Variants in SKAP1 observed in about 807,000 individuals in gnomAD.
SKAP1 encodes the protein src kinase-associated phosphoprotein 1.
SKAP1 carries 44 observed loss-of-function variants against 58.5 expected under a neutral mutation model. That is an observed-to-expected ratio of 0.75 (90% confidence interval 0.59 to 0.97). SKAP1 has a LOEUF of 0.97. Among genes scored for constraint, SKAP1 ranks in the 50% least tolerant of loss-of-function variants. The probability of loss-of-function intolerance (pLI) is 0.00; values close to 1 mark genes in which losing one functional copy is unlikely to be tolerated. For missense variants in SKAP1, 390 were observed against 435.2 expected, an observed-to-expected ratio of 0.90 and a Z score of 0.92; for synonymous variants, 127 against 149.7, an observed-to-expected ratio of 0.85 and a Z score of 1.11.
At chr17:48,252,754 GTA>G (rs1555608489) in intron 4 of SKAP1, among the ~76,000 whole-genome samples, 2,324 of 120,818 alleles carry the variant, frequency 0.019, 48 homozygotes, top group African/African-American at 0.058. Flanking sequence ...GTGTGTGTGT[GTA>G]TGTGCTCATG....
At chr17:48,319,178 A>G (rs1019606944) in intron 4 of SKAP1, among the ~76,000 whole-genome samples, 3 of 152,114 alleles carry the variant, frequency 2.0e-5, no homozygotes, top group Non-Finnish European at 4.4e-5. Flanking sequence ...TACAGATTTA[A>G]AGGTACATTG....
In SKAP1 at chr17:48,346,614, G is replaced by A. The variant is rs186631209; in HGVS notation, c.179-608C>T. ...ACTCCGGCCTGGGTGACAACAGCGA[G>A]ACTCCATCTAAAAAAAAAAAGAATT... On this transcript the variant is annotated intron_variant, in intron 3 of 12. Transcript: ENST00000336915. Among the ~76,000 whole-genome samples the A allele has an allele frequency of 1.0e-3, 154 of 150,654 alleles. 1 individual carries two copies. Among genetic ancestry groups the A allele is most frequent in the Non-Finnish European group, 1.6e-3 (108 of 67,828 alleles).
intron 4 of SKAP1, among the ~76,000 whole-genome samples, chr17:48,328,552 C>A (rs2066466010): frequency 6.6e-6 from 1 of 151,982 alleles, no homozygotes; most frequent in East Asian, 1.9e-4. Flanking sequence ...CAACTTACTC[C>A]AAAGCCACCA....
intron 4 of SKAP1, among the ~76,000 whole-genome samples, chr17:48,253,514 G>A (rs2065390363): frequency 6.6e-6 from 1 of 152,182 alleles, no homozygotes; most frequent in Admixed American, 6.5e-5. Flanking sequence ...GCATTTCTTG[G>A]TGTGATTTTA....
At position 48,314,088 on chromosome 17, in the gene SKAP1, T is replaced by C. The variant is rs529677997; in HGVS notation, c.280+31817A>G. Among the ~76,000 whole-genome samples, 5 of 152,234 alleles carry C rather than the reference T, an allele frequency of 3.3e-5. No homozygotes were observed. The South Asian group carries it at 1.0e-3, about 32-fold the overall frequency. On this transcript the variant is annotated intron_variant, in intron 4 of 12. Coordinates refer to ENST00000336915, the MANE Select transcript of SKAP1 (RefSeq NM_003726.4). ...AAAAGGAATAAACTGAAATCACAGA[T>C]AGTTTTCATTATCTTGTCTTAGACT...
intron 4 of SKAP1, among the ~76,000 whole-genome samples, chr17:48,272,002 C>T (rs934384654): frequency 3.9e-5 from 6 of 152,102 alleles, no homozygotes; most frequent in Non-Finnish European, 5.9e-5. Context: ...AATGCTTGTG[C>T]ATCATAAATA....
At chr17:48,287,800 C>T (rs1301561162) in intron 4 of SKAP1, among the ~76,000 whole-genome samples, 1 of 152,164 alleles carries the variant, frequency 6.6e-6, no homozygotes, top group African/African-American at 2.4e-5. Flanking sequence ...TGCTTATCAA[C>T]ACATATATAC....
intron 4 of SKAP1, among the ~76,000 whole-genome samples, chr17:48,262,376 G>A (rs1372855927): frequency 3.9e-5 from 6 of 152,170 alleles, no homozygotes; most frequent in Admixed American, 6.5e-5. Context: ...AACTCCAAGA[G>A]CATAGCTTCA....
At chr17:48,230,022 C>A (rs2065109868) in intron 4 of SKAP1, among the ~76,000 whole-genome samples, 1 of 152,118 alleles carries the variant, frequency 6.6e-6, no homozygotes, top group Admixed American at 6.6e-5. Flanking sequence ...GTTAGAAGGG[C>A]AGAGCATCCA....
chr17:48,324,269 T>C (rs780927275), intron 4 of SKAP1, among the ~76,000 whole-genome samples: 1 of 152,110 alleles, frequency 6.6e-6, no homozygotes, highest in Non-Finnish European at 1.5e-5. Context: ...ATATGACTCT[T>C]CTACTGACAA....
At chr17:48,319,415 A>G (rs1378050071) in intron 4 of SKAP1, among the ~76,000 whole-genome samples, 1 of 152,194 alleles carries the variant, frequency 6.6e-6, no homozygotes, top group Non-Finnish European at 1.5e-5. Flanking sequence ...ATTGGAGAAG[A>G]CTTTTTCAAC....
chr17:48,376,480 T>C (rs1194652268), intron 2 of SKAP1, among the ~76,000 whole-genome samples: 1 of 152,204 alleles, frequency 6.6e-6, no homozygotes, highest in Non-Finnish European at 1.5e-5. Context: ...AAAACCTCCT[T>C]GGAAAAACTC....
chr17:48,415,055 T>G (rs2067714837), intron 1 of SKAP1, among the ~76,000 whole-genome samples: 1 of 152,232 alleles, frequency 6.6e-6, no homozygotes, highest in Non-Finnish European at 1.5e-5. Context: ...TGCAAGGGTT[T>G]TTGTTGATAT....
chr17:48,371,652 CACA>C (rs2067086905), intron 2 of SKAP1, among the ~76,000 whole-genome samples: 1 of 37,884 alleles, frequency 2.6e-5, no homozygotes, highest in Non-Finnish European at 4.5e-5. Context: ...ACCTTGTCTC[CACA>C]AAAAAAAAAA....
chr17:48,380,016 A>G (rs962303353), intron 2 of SKAP1, among the ~76,000 whole-genome samples: 4 of 152,144 alleles, frequency 2.6e-5, no homozygotes, highest in Admixed American at 2.6e-4. Flanking sequence ...CTACTTTGTC[A>G]TAATTAAACC....
At chr17:48,325,680 A>G (rs570243324) in intron 4 of SKAP1, among the ~76,000 whole-genome samples, 1 of 152,214 alleles carries the variant, frequency 6.6e-6, no homozygotes, top group Non-Finnish European at 1.5e-5. Flanking sequence ...CTAATGTCAG[A>G]CAGTTAGTTT....
intron 10 of SKAP1, 72 bp downstream of exon 10, chr17:48,170,537 A>T: frequency 7.7e-7 from 1 of 1,306,526 alleles, no homozygotes; most frequent in Non-Finnish European, 1.1e-6. Context: ...GTAGTCTCAG[A>T]GAAAGGTGCT....
chr17:48,414,492 G>A (rs1302443974), intron 1 of SKAP1, among the ~76,000 whole-genome samples: 2 of 152,200 alleles, frequency 1.3e-5, no homozygotes, highest in East Asian at 3.8e-4. Context: ...GGGCAAGCTT[G>A]TAGCAATATA....
chr17:48,213,748 C>T (rs558423220), intron 4 of SKAP1, among the ~76,000 whole-genome samples: 277 of 152,266 alleles, frequency 1.8e-3, no homozygotes, highest in African/African-American at 6.4e-3. Context: ...TGATATTTGC[C>T]ACTGTTTTCA....
Sources: allele counts gnomAD v4.1 joint callset (sites outside exome capture counted in the v4.1 genomes callset), GRCh38; gene constraint gnomAD v4.1.1; transcripts MANE v1.5; gene names NCBI Gene and HGNC (gene_info 2026-07-23, HGNC 2026-07-21).